The following RSF1 variants were observed in gnomAD, a reference collection of about 807,000 sequenced individuals.
RSF1 encodes the protein remodeling and spacing factor 1.
In RSF1, 13 loss-of-function variants were observed where a neutral mutation model predicts 145.2. The observed-to-expected ratio is 0.09, with a 90% CI of 0.06 to 0.14. RSF1 has a LOEUF of 0.14. Ranked by LOEUF, RSF1 falls within the 10% of genes least tolerant of loss-of-function variation. The pLI is 1.00. For synonymous variants in RSF1, 577 were observed against 592.6 expected (o/e 0.97, Z 0.38); for missense variants, 1,517 against 1,718.2 (o/e 0.88, Z 2.07).
chr11:77,849,645 GTTT>G, the RSF1 span, among the ~76,000 whole-genome samples: 1 of 150,818 alleles, frequency 6.6e-6, no homozygotes, highest in African/African-American at 2.4e-5. Flanking sequence ...TTTTTTGTGT[GTTT>G]TTTTTTAATT....
At chr11:77,702,560 A>G (rs983483997) in intron 5 of RSF1, 65 bp from the exon 6 acceptor site, 3 of 1,043,298 alleles carry the variant, frequency 2.9e-6, no homozygotes, top group Non-Finnish European at 3.9e-6. Flanking sequence ...TATAAGACTT[A>G]GTATAATGTA....
the RSF1 span, among the ~76,000 whole-genome samples, chr11:77,837,784 C>T: frequency 4.9e-4 from 74 of 152,136 alleles, no homozygotes; most frequent in Non-Finnish European, 8.8e-4. Context: ...AGCCTGGGCA[C>T]AGTGGCTCAT....
intron 2 of RSF1, among the ~76,000 whole-genome samples, chr11:77,757,108 T>C (rs1045657739): frequency 6.6e-6 from 1 of 152,082 alleles, no homozygotes; most frequent in Non-Finnish European, 1.5e-5. Flanking sequence ...GAGGTTTTAG[T>C]GGATAAGGAG....
chr11:77,760,237 G>C (rs1302586754), intron 2 of RSF1, among the ~76,000 whole-genome samples: 1 of 152,150 alleles, frequency 6.6e-6, no homozygotes, highest in East Asian at 1.9e-4. Context: ...TAATGGATGA[G>C]TATTTGGCAA....
At chr11:77,829,667 G>T in the RSF1 span, 1 of 152,064 alleles carries the variant, frequency 6.6e-6, no homozygotes, top group African/African-American at 2.4e-5. Context: ...GAAAACAAGG[G>T]TAAATCTTTA....
At chr11:77,862,166 G>A in the RSF1 span, among the ~76,000 whole-genome samples, 1 of 152,086 alleles carries the variant, frequency 6.6e-6, no homozygotes, top group Non-Finnish European at 1.5e-5. Flanking sequence ...TCCCAGTGAG[G>A]GTCTACACTG....
At chr11:77,729,005 T>C (rs921090270) in intron 4 of RSF1, among the ~76,000 whole-genome samples, 2 of 152,058 alleles carry the variant, frequency 1.3e-5, no homozygotes, top group Non-Finnish European at 2.9e-5. Flanking sequence ...GCTGTTAGGG[T>C]AGATGTGGAG....
chr11:77,843,912 AG>A, the RSF1 span, among the ~76,000 whole-genome samples: 2 of 152,182 alleles, frequency 1.3e-5, no homozygotes, highest in Non-Finnish European at 2.9e-5. Context: ...GCAGGCAAAG[AG>A]AGCTTGTGCA....
chr11:77,822,767 C>T (rs1948977890), upstream of RSF1, among the ~76,000 whole-genome samples: 1 of 152,144 alleles, frequency 6.6e-6, no homozygotes, highest in Non-Finnish European at 1.5e-5. Context: ...TTGGCAAATA[C>T]TTTTGAAAAT....
At chr11:77,863,349 G>A in the RSF1 span, among the ~76,000 whole-genome samples, 3 of 152,200 alleles carry the variant, frequency 2.0e-5, no homozygotes, top group African/African-American at 7.2e-5. Context: ...TGGCGGCAAA[G>A]AGCAGTGGTG....
rs1286068389 is a variant in RSF1 at position 77,660,656 on chromosome 11, C to CT, written c.*6260dup. 2 of 152,080 alleles carry CT rather than the reference C, an allele frequency of 1.3e-5. No homozygotes were observed. Among genetic ancestry groups the CT allele is most frequent in the Non-Finnish European group, 2.9e-5 (2 of 67,996 alleles). 9.4% of individuals were successfully genotyped at this position (152,080 alleles called of 1,614,324 possible). A position where few individuals can be genotyped will look rare whatever the true frequency, so the allele number is the denominator to read the frequency against. On this transcript the variant is annotated 3_prime_UTR_variant, in exon 16 of 16. Coordinates refer to ENST00000308488, the MANE Select transcript of RSF1 (RefSeq NM_016578.4). ...CATGTTGGAAAATTCAAGAGGCATT[C>CT]TGATCAGTCCCTGAATTCCAGCTAT...
the RSF1 span, among the ~76,000 whole-genome samples, chr11:77,869,465 C>CACCA: frequency 6.6e-6 from 1 of 150,550 alleles, no homozygotes; most frequent in Admixed American, 6.6e-5. Context: ...AAGCATAAGC[C>CACCA]ACCACACCCA....
intron 1 of RSF1, among the ~76,000 whole-genome samples, chr11:77,769,397 C>CT (rs1948259685): frequency 6.6e-6 from 1 of 152,220 alleles, no homozygotes; most frequent in Non-Finnish European, 1.5e-5. Flanking sequence ...TAAAGATTTA[C>CT]TGATTAGCCA....
chr11:77,688,701 G>A (rs955827650), intron 9 of RSF1, among the ~76,000 whole-genome samples: 3 of 152,052 alleles, frequency 2.0e-5, no homozygotes, highest in African/African-American at 7.2e-5. Context: ...GGGGCAGGAG[G>A]ATCCCTTGAG....
rs1022524462 is a variant in RSF1 at position 77,662,705 on chromosome 11, G to T, written c.*4212C>A. 2 of 152,132 alleles carry T rather than the reference G, an allele frequency of 1.3e-5. No homozygotes were observed. The highest frequency in any genetic ancestry group is 4.8e-5 in the African/African-American group (2 of 41,432). 9.4% of individuals were successfully genotyped at this position (152,132 alleles called of 1,614,324 possible). ...TGCCACTTCCAAGGTAGGTTTACAG[G>T]CACACACTTTGGGAAAGGTAGATGA... On this transcript the variant is annotated 3_prime_UTR_variant, in exon 16 of 16. Coordinates refer to ENST00000308488, the MANE Select transcript of RSF1 (RefSeq NM_016578.4).
upstream of RSF1, chr11:77,820,771 G>A (rs1746755474): frequency 1.3e-6 from 2 of 1,494,518 alleles, no homozygotes; most frequent in East Asian, 2.5e-5. Context: ...TTGTGGTGCC[G>A]AGGGATGGCA....
At chr11:77,767,589 C>T (rs1948238558) in intron 1 of RSF1, among the ~76,000 whole-genome samples, 1 of 152,152 alleles carries the variant, frequency 6.6e-6, no homozygotes, top group African/African-American at 2.4e-5. Context: ...CATGCTCAGC[C>T]CATTACCTAT....
the RSF1 span, among the ~76,000 whole-genome samples, chr11:77,834,805 G>T: frequency 6.6e-6 from 1 of 152,114 alleles, no homozygotes; most frequent in East Asian, 1.9e-4. Context: ...AGATAAGGAG[G>T]TATAATGGAA....
intron 1 of RSF1, among the ~76,000 whole-genome samples, chr11:77,800,416 C>T (rs758107483): frequency 3.6e-4 from 54 of 151,968 alleles, no homozygotes; most frequent in Non-Finnish European, 5.7e-4. Flanking sequence ...CATTTGAACC[C>T]GGGAGGCAGA....
Sources: gnomAD v4.1 joint callset for allele counts (sites outside exome capture counted in the v4.1 genomes callset) on GRCh38, gnomAD v4.1.1 for gene constraint, MANE v1.5 for transcripts, NCBI Gene and HGNC (gene_info 2026-07-23, HGNC 2026-07-21) for gene names.